Variants in WDR59 observed in about 807,000 individuals in gnomAD.
The protein encoded by WDR59 is WD repeat domain 59.
WDR59 carries 100 observed loss-of-function variants against 131.2 expected under a neutral mutation model. The observed-to-expected ratio is 0.76, with a 90% CI of 0.65 to 0.90. The LOEUF (loss-of-function observed/expected upper bound fraction) is 0.90. Ranked by LOEUF, WDR59 falls within the 40% of genes least tolerant of loss-of-function variation. The pLI, the probability that WDR59 is intolerant of heterozygous loss-of-function variation, is 0.00. For missense variants in WDR59, 1,203 were observed against 1,262.2 expected, an observed-to-expected ratio of 0.95 and a Z score of 0.71; for synonymous variants, 601 against 466.2, an observed-to-expected ratio of 1.29 and a Z score of -3.72.
chr16:74,887,439 C>G (rs1047188624), intron 23 of WDR59, among the ~76,000 whole-genome samples: 1 of 152,026 alleles, frequency 6.6e-6, no homozygotes, highest in Non-Finnish European at 1.5e-5. Flanking sequence ...AGTGGGAAGT[C>G]CCATTGTCAG....
chr16:74,874,480 G>C (rs1235329571), intron 25 of WDR59, 36 bp from the exon 26 acceptor site: 10 of 1,595,920 alleles, frequency 6.3e-6, no homozygotes, highest in African/African-American at 1.3e-5. Context: ...ACAAGAGGCA[G>C]CATGAGTTTA....
chr16:74,982,404 C>T (rs1207590417), intron 1 of WDR59, among the ~76,000 whole-genome samples: 1 of 152,118 alleles, frequency 6.6e-6, no homozygotes, highest in African/African-American at 2.4e-5. Flanking sequence ...ACCCAATTTA[C>T]TTTGTTCTCT....
At chr16:74,951,671 T>C in intron 3 of WDR59, 128 bp from the exon 4 acceptor site, 3 of 789,890 alleles carry the variant, frequency 3.8e-6, no homozygotes, top group Non-Finnish European at 6.3e-6. Context: ...GGCTGAACTT[T>C]TCTTTAAAAA....
Position 74,874,433 on chromosome 16 carries a change from A to G in WDR59, c.2701T>C (p.Tyr901His). The G allele has an allele frequency of 6.2e-7, 1 of 1,613,952 alleles. No individual in the cohort carries two copies. Among genetic ancestry groups the G allele is most frequent in the Non-Finnish European group, 8.5e-7 (1 of 1,179,956 alleles). ...ACCTCACTCCGGCAGTGGCTGCAGT[A>G]CACGCCGAACTCTGGAAATGGGCAG... ...DPHKGIEFGV[Y>H]CSHCRSEVRG... Residue 901 changes from tyrosine to histidine, a missense_variant, in exon 26 of 26, where the codon TAC becomes CAC. Coordinates refer to ENST00000262144, the MANE Select transcript of WDR59 (RefSeq NM_030581.4).
At chr16:74,917,663 G>A (rs1827426967) in intron 11 of WDR59, among the ~76,000 whole-genome samples, 2 of 151,960 alleles carry the variant, frequency 1.3e-5, no homozygotes, top group Admixed American at 1.3e-4. Context: ...ACAAAAATTA[G>A]CCGAGTGTGT....
chr16:74,958,615 A>C (rs902277919), intron 2 of WDR59, among the ~76,000 whole-genome samples: 1 of 140,742 alleles, frequency 7.1e-6, no homozygotes, highest in South Asian at 2.3e-4. Context: ...AAAAAAAAAA[A>C]AAAAACAAGC....
intron 17 of WDR59, 60 bp downstream of exon 17, chr16:74,908,848 G>T: frequency 6.8e-7 from 1 of 1,468,782 alleles, no homozygotes; most frequent in African/African-American, 1.4e-5. Flanking sequence ...GTCCTTCCCA[G>T]GTCTCTGGCC....
intron 2 of WDR59, among the ~76,000 whole-genome samples, chr16:74,964,513 A>G (rs1329434021): frequency 6.6e-6 from 1 of 152,160 alleles, no homozygotes; most frequent in Non-Finnish European, 1.5e-5. Flanking sequence ...TAGGAAGGAA[A>G]TTTACTTTTC....
intron 8 of WDR59, among the ~76,000 whole-genome samples, chr16:74,934,200 G>A (rs1372866151): frequency 6.6e-6 from 1 of 152,106 alleles, no homozygotes; most frequent in African/African-American, 2.4e-5. Flanking sequence ...CAAGTAAAAT[G>A]TTGTTAATAT....
At chr16:74,895,845 T>G (rs1361847700) in intron 18 of WDR59, among the ~76,000 whole-genome samples, 1 of 152,204 alleles carries the variant, frequency 6.6e-6, no homozygotes, top group African/African-American at 2.4e-5. Flanking sequence ...AAGACAGACG[T>G]AGTCACATGT....
intron 25 of WDR59, among the ~76,000 whole-genome samples, chr16:74,875,681 A>T (rs1018353992): frequency 2.4e-4 from 36 of 152,170 alleles, no homozygotes; most frequent in African/African-American, 8.7e-4. Flanking sequence ...CCTTTGGCCA[A>T]CCTGAATTAC....
Position 74,874,016 on chromosome 16 carries a change from AT to A in WDR59, c.*192del. 1 of 593,986 alleles carries A rather than the reference AT, an allele frequency of 1.7e-6. No individual in the cohort carries two copies. The highest frequency in any genetic ancestry group is 3.0e-6 in the Non-Finnish European group (1 of 333,562). 36.8% of individuals were successfully genotyped at this position (593,986 alleles called of 1,614,324 possible). On this transcript the variant is annotated 3_prime_UTR_variant, in exon 26 of 26. Transcript: ENST00000262144. ...TCTGTCCTTATCTTCACACAGTGAC[AT>A]CCACACCAGGTGGCCAAACAGAAGA...
chr16:74,980,763 G>C (rs970970339), intron 1 of WDR59, among the ~76,000 whole-genome samples: 1 of 151,530 alleles, frequency 6.6e-6, no homozygotes, highest in Admixed American at 6.6e-5. Context: ...CTTCAGGTAA[G>C]GAGTTCAAGA....
chr16:74,910,618 G>T lies in WDR59; in HGVS notation c.1390-701C>A, dbSNP rs148040930. Among the ~76,000 whole-genome samples, 288 of 152,260 alleles carry T rather than the reference G, an allele frequency of 1.9e-3. 2 individuals are homozygous for T. The highest frequency in any genetic ancestry group is 0.011 in the Admixed American group (162 of 15,294). On this transcript the variant is annotated intron_variant, in intron 14 of 25. Coordinates refer to ENST00000262144, the MANE Select transcript of WDR59 (RefSeq NM_030581.4). ...ATTGCTCTCAGTGACAAGAGGCATG[G>T]ATTTCACTTCAGTGAAAATTATAAT...
intron 1 of WDR59, among the ~76,000 whole-genome samples, chr16:74,981,647 T>TACACAC (rs1205414952): frequency 1.3e-4 from 1 of 7,506 alleles, no homozygotes. Context: ...TATATATATA[T>TACACAC]ATATATATAT....
chr16:74,928,555 G>A (rs980357251), intron 8 of WDR59, among the ~76,000 whole-genome samples: 2 of 151,918 alleles, frequency 1.3e-5, no homozygotes, highest in East Asian at 1.9e-4. Context: ...TTTACCTTAC[G>A]TGGGATAGCT....
At chr16:74,914,436 G>A (rs1966260113) in intron 13 of WDR59, among the ~76,000 whole-genome samples, 1 of 152,116 alleles carries the variant, frequency 6.6e-6, no homozygotes, top group Admixed American at 6.6e-5. Context: ...AGAGACAGCA[G>A]CTGGAGTAAA....
intron 9 of WDR59, 78 bp downstream of exon 9, chr16:74,923,848 A>G (rs2030502651): frequency 7.7e-7 from 1 of 1,291,078 alleles, no homozygotes; most frequent in Non-Finnish European, 1.1e-6. Flanking sequence ...AGAAAATAAG[A>G]GAAAATGTCC....
intron 25 of WDR59, among the ~76,000 whole-genome samples, chr16:74,883,062 TCACC>T (rs1230244974): frequency 6.9e-6 from 1 of 144,850 alleles, no homozygotes; most frequent in Non-Finnish European, 1.5e-5. Flanking sequence ...TCTCACTCTG[TCACC>T]AAGGCTGGAG....
Sources: allele counts gnomAD v4.1 joint callset (sites outside exome capture counted in the v4.1 genomes callset), GRCh38; gene constraint gnomAD v4.1.1; transcripts MANE v1.5; gene names NCBI Gene and HGNC (gene_info 2026-07-23, HGNC 2026-07-21).